Variants in TRHDE observed in about 807,000 individuals in gnomAD.
TRHDE encodes thyrotropin-releasing hormone-degrading ectoenzyme.
Under a neutral mutation model 125.7 loss-of-function variants are expected in TRHDE, and 72 were observed. That is an observed-to-expected ratio of 0.57 (90% CI 0.47 to 0.70). The LOEUF (loss-of-function observed/expected upper bound fraction) is 0.70, where lower values mean the gene tolerates loss of function less well. Among genes scored for constraint, TRHDE ranks in the 30% least tolerant of loss-of-function variants. The probability of loss-of-function intolerance (pLI) is 0.00; values close to 1 mark genes in which losing one functional copy is unlikely to be tolerated. For missense variants in TRHDE, 1,110 were observed against 1,327.1 expected (o/e 0.84, Z 2.54); for synonymous variants, 509 against 509.1 (o/e 1.00, Z 0.00).
chr12:72,353,129 T>A (rs764192075), intron 2 of TRHDE, among the ~76,000 whole-genome samples: 1 of 151,744 alleles, frequency 6.6e-6, no homozygotes, highest in South Asian at 2.1e-4. Flanking sequence ...TAAATTAAAT[T>A]TTATTTAAAA....
chr12:72,333,316 T>C (rs1386276989), intron 2 of TRHDE, among the ~76,000 whole-genome samples: 1 of 152,198 alleles, frequency 6.6e-6, no homozygotes, highest in Non-Finnish European at 1.5e-5. Context: ...TAAGAGTCAA[T>C]GCAAGGATAA....
At position 72,147,051 on chromosome 12, in the gene TRHDE, G is replaced by C. The variant is rs538443820; in HGVS notation, n.279+41299G>C. Among the ~76,000 whole-genome samples, 5 of 152,126 alleles carry C rather than the reference G, an allele frequency of 3.3e-5. No homozygotes were observed. In the East Asian group the frequency reaches 9.7e-4, roughly 29 times the overall value. On this transcript the variant is annotated intron_variant and non_coding_transcript_variant, in intron 2 of 4. Transcript: ENST00000548156. The stretch of plus-strand genomic sequence containing the variant: ...CGTCACTCTTCTCTCTTTCTCTGCT[G>C]CATCATTCCGCCATCGCTGGTGTGG...
intron 3 of TRHDE, among the ~76,000 whole-genome samples, chr12:72,440,762 G>T (rs1262597149): frequency 6.6e-6 from 1 of 151,794 alleles, no homozygotes; most frequent in Admixed American, 6.6e-5. Flanking sequence ...GGGAGGTGTG[G>T]TATGCTTGGA....
At chr12:72,126,558 C>T (rs1287832624) in intron 2 of TRHDE, among the ~76,000 whole-genome samples, 1 of 152,166 alleles carries the variant, frequency 6.6e-6, no homozygotes, top group Non-Finnish European at 1.5e-5. Flanking sequence ...TACACACCTA[C>T]AGCCATCTGA....
At chr12:72,471,033 G>A (rs1165681863) in intron 4 of TRHDE, among the ~76,000 whole-genome samples, 3 of 151,694 alleles carry the variant, frequency 2.0e-5, no homozygotes, top group Admixed American at 1.3e-4. Flanking sequence ...CCCACACCAT[G>A]CCCAGCTAAT....
intron 3 of TRHDE, among the ~76,000 whole-genome samples, chr12:72,420,434 TA>T (rs1873905157): frequency 6.6e-6 from 1 of 152,182 alleles, no homozygotes; most frequent in African/African-American, 2.4e-5. Context: ...TAAGCAACTA[TA>T]AAGGACTTAG....
rs763503214 is a variant in TRHDE at position 72,109,490 on chromosome 12, T to C, written n.279+3738T>C. On this transcript the variant is annotated intron_variant and non_coding_transcript_variant, in intron 2 of 4. Coordinates refer to the TRHDE transcript ENST00000548156. ...CATAATAAGTAAGAAATTCTAGAGT[T>C]AGTATAGCAGGTCAATGGTATCACT... is the stretch of plus-strand genomic sequence containing the variant. Among the ~76,000 whole-genome samples, 5 of 152,172 alleles carry C rather than the reference T, an allele frequency of 3.3e-5. No homozygotes were observed. The East Asian group carries it at 7.7e-4, about 23-fold the overall frequency.
At chr12:72,191,259 G>A (rs1487263047) in intron 2 of TRHDE, among the ~76,000 whole-genome samples, 1 of 152,088 alleles carries the variant, frequency 6.6e-6, no homozygotes, top group African/African-American at 2.4e-5. Flanking sequence ...GGGAGCTGTT[G>A]CAGTGGCTTC....
chr12:72,183,294 T>A (rs1877132809), intron 2 of TRHDE, among the ~76,000 whole-genome samples: 1 of 152,244 alleles, frequency 6.6e-6, no homozygotes. Context: ...AAAGATTTGA[T>A]ATTTAAAAGG....
intron 15 of TRHDE, among the ~76,000 whole-genome samples, chr12:72,626,560 G>A (rs1873266817): frequency 6.6e-6 from 1 of 151,886 alleles, no homozygotes; most frequent in Non-Finnish European, 1.5e-5. Flanking sequence ...TCAATTAGGA[G>A]CAGGAGGACA....
chr12:72,273,621 C>A lies in TRHDE; in HGVS notation c.914+64C>A, dbSNP rs1879355156. On this transcript the variant is annotated intron_variant, in intron 1 of 18. Coordinates refer to ENST00000261180, the MANE Select transcript of TRHDE (RefSeq NM_013381.3). The surrounding 1 kb of genome is among the most constrained non-coding windows in gnomAD (Gnocchi z 5.3). Reference sequence around the variant, plus strand: ...GCGCGCGGCTCGAACCTCTGGGCGGCCTGCGACCCCGGGGACCCAGCTGGC... The same window carrying A: ...GCGCGCGGCTCGAACCTCTGGGCGGACTGCGACCCCGGGGACCCAGCTGGC... 6.8e-7 allele frequency: 1 copy of A among 1,466,494 alleles called. No homozygotes were observed. Among genetic ancestry groups the A allele is most frequent in the African/African-American group, 1.4e-5 (1 of 71,344 alleles). 90.8% of individuals were successfully genotyped at this position (1,466,494 alleles called of 1,614,324 possible). A position where few individuals can be genotyped will look rare whatever the true frequency, so the allele number is the denominator to read the frequency against.
intron 7 of TRHDE, among the ~76,000 whole-genome samples, chr12:72,551,897 G>T (rs1869694106): frequency 6.6e-6 from 1 of 152,064 alleles, no homozygotes; most frequent in South Asian, 2.1e-4. Flanking sequence ...GAAGACGGTA[G>T]GTATGCTGAG....
chr12:72,374,076 C>A (rs1871754763), intron 2 of TRHDE, among the ~76,000 whole-genome samples: 2 of 151,976 alleles, frequency 1.3e-5, no homozygotes, highest in Admixed American at 1.3e-4. Flanking sequence ...ATGGAGAAGG[C>A]ATGGACCAGG....
At chr12:72,596,488 A>G (rs924629192) in intron 12 of TRHDE, among the ~76,000 whole-genome samples, 1 of 152,208 alleles carries the variant, frequency 6.6e-6, no homozygotes, top group African/African-American at 2.4e-5. Flanking sequence ...TTGTAATTTC[A>G]CAATTATCTA....
intron 7 of TRHDE, among the ~76,000 whole-genome samples, chr12:72,551,558 A>T (rs1298358596): frequency 1.3e-5 from 2 of 152,124 alleles, no homozygotes; most frequent in East Asian, 3.8e-4. Context: ...AGTTTTGTAT[A>T]TACAGTTCAC....
At chr12:72,197,791 A>G (rs1877474782) in intron 2 of TRHDE, among the ~76,000 whole-genome samples, 1 of 152,088 alleles carries the variant, frequency 6.6e-6, no homozygotes, top group Non-Finnish European at 1.5e-5. Flanking sequence ...TATGGGATTA[A>G]TAATTACCTC....
intron 2 of TRHDE, among the ~76,000 whole-genome samples, chr12:72,251,139 C>T (rs575070160): frequency 2.7e-4 from 41 of 151,660 alleles, no homozygotes; most frequent in South Asian, 1.9e-3. Flanking sequence ...CAGATTTTAC[C>T]GGTTTTACAT....
At chr12:72,185,181 G>A (rs1877178730) in intron 2 of TRHDE, among the ~76,000 whole-genome samples, 1 of 152,232 alleles carries the variant, frequency 6.6e-6, no homozygotes, top group African/African-American at 2.4e-5. Flanking sequence ...GAGGGACTTA[G>A]CACCCGGGCC....
intron 2 of TRHDE, among the ~76,000 whole-genome samples, chr12:72,227,114 C>G (rs1029517644): frequency 6.6e-6 from 1 of 152,108 alleles, no homozygotes; most frequent in Non-Finnish European, 1.5e-5. Context: ...TAAATAAACT[C>G]TTCCTGGCTA....
Sources: allele counts gnomAD v4.1 joint callset (sites outside exome capture counted in the v4.1 genomes callset), GRCh38; gene constraint gnomAD v4.1.1; non-coding constraint Gnocchi (gnomAD v3.1); transcripts MANE v1.5; gene names NCBI Gene and HGNC (gene_info 2026-07-23, HGNC 2026-07-21).